The following SYN2 variants were observed in gnomAD, a reference collection of about 807,000 sequenced individuals.
SYN2 encodes the protein synapsin II, also known as synapsin-2.
SYN2 carries 19 observed loss-of-function variants against 50.9 expected under a neutral mutation model. That is an observed-to-expected ratio of 0.37 (90% confidence interval 0.26 to 0.55). The LOEUF is 0.55. Ranked by LOEUF, SYN2 falls within the 20% of genes least tolerant of loss-of-function variation. The pLI is 0.81. For missense variants in SYN2, 587 were observed against 576.4 expected (o/e 1.02, Z -0.19); for synonymous variants, 255 against 224.9 (o/e 1.13, Z -1.20).
At chr3:12,172,239 T>C (rs1697952855) in intron 10 of SYN2, among the ~76,000 whole-genome samples, 1 of 152,182 alleles carries the variant, frequency 6.6e-6, no homozygotes, top group Non-Finnish European at 1.5e-5. Context: ...TGGAGTTGAA[T>C]TAGATGATGT....
chr3:12,176,541 C>T (rs1161449079), intron 10 of SYN2, among the ~76,000 whole-genome samples: 1 of 152,154 alleles, frequency 6.6e-6, no homozygotes, highest in African/African-American at 2.4e-5. Flanking sequence ...TGGAAGCATT[C>T]ATATACATTT....
intron 10 of SYN2, among the ~76,000 whole-genome samples, chr3:12,171,424 G>A (rs1697932988): frequency 1.3e-5 from 2 of 152,130 alleles, no homozygotes; most frequent in Non-Finnish European, 2.9e-5. Flanking sequence ...TCTAGCAGAA[G>A]AGTGACAAGT....
chr3:12,080,829 C>T (rs1304159268), intron 1 of SYN2, among the ~76,000 whole-genome samples: 2 of 152,120 alleles, frequency 1.3e-5, no homozygotes, highest in East Asian at 1.9e-4. Flanking sequence ...CCACTTGATC[C>T]AGAGCTGAGT....
intron 9 of SYN2, among the ~76,000 whole-genome samples, chr3:12,168,803 G>A (rs769414069): frequency 8.5e-5 from 13 of 152,192 alleles, no homozygotes; most frequent in Non-Finnish European, 1.8e-4. Flanking sequence ...ATGAGCATGT[G>A]CCCAAGACCA....
At chr3:12,004,985 A>G (rs909728679) in intron 1 of SYN2, 57 bp downstream of exon 1, 59 of 441,904 alleles carry the variant, frequency 1.3e-4, no homozygotes, top group Non-Finnish European at 2.2e-4. Flanking sequence ...GCCGCAGGCC[A>G]GGAGAGGACG....
At chr3:12,047,723 T>C (rs1694769963) in intron 1 of SYN2, among the ~76,000 whole-genome samples, 2 of 152,170 alleles carry the variant, frequency 1.3e-5, no homozygotes, top group African/African-American at 4.8e-5. Flanking sequence ...TCTCAAACTT[T>C]AGTATATATT....
chr3:12,065,156 A>G (rs1315810801), intron 1 of SYN2, among the ~76,000 whole-genome samples: 1 of 152,196 alleles, frequency 6.6e-6, no homozygotes, highest in Non-Finnish European at 1.5e-5. Flanking sequence ...ATAAGGTACC[A>G]TCTCACACTA....
intron 1 of SYN2, among the ~76,000 whole-genome samples, chr3:12,088,671 A>C: frequency 6.6e-6 from 1 of 152,312 alleles, no homozygotes; most frequent in East Asian, 1.9e-4. Context: ...ATAAACAAAA[A>C]TGTAGTATAT....
At chr3:12,076,044 C>T (rs949513776) in intron 1 of SYN2, among the ~76,000 whole-genome samples, 1 of 151,974 alleles carries the variant, frequency 6.6e-6, no homozygotes, top group South Asian at 2.1e-4. Flanking sequence ...TATTGAGGTG[C>T]CTTTACAGAG....
intron 1 of SYN2, among the ~76,000 whole-genome samples, chr3:12,005,575 ATTTTT>A (rs34618576): frequency 2.9e-5 from 4 of 136,378 alleles, no homozygotes; most frequent in Non-Finnish European, 4.7e-5. Flanking sequence ...GACGTGTGGA[ATTTTT>A]TTTTTTTTTT....
rs116359304 is a variant in SYN2, at chr3:12,087,805, A to G, written c.378-52846A>G. Among the ~76,000 whole-genome samples the G allele has an allele frequency of 5.3e-3, 810 of 152,254 alleles. 11 individuals are homozygous for G. The highest frequency in any genetic ancestry group is 0.018 in the African/African-American group (767 of 41,544). On this transcript the variant is annotated intron_variant, in intron 1 of 12. Transcript: ENST00000621198. The stretch of plus-strand genomic sequence containing the variant: ...GTTTATGATCAATTGATTTTCAACA[A>G]AGGTGCTAAGAACAGACAATGGGGA...
chr3:12,104,152 A>C (rs1696130875), intron 1 of SYN2, among the ~76,000 whole-genome samples: 1 of 152,170 alleles, frequency 6.6e-6, no homozygotes, highest in African/African-American at 2.4e-5. Flanking sequence ...TATGTTTTAG[A>C]GACAGAGTCT....
chr3:12,108,165 A>C (rs933743883), intron 1 of SYN2, among the ~76,000 whole-genome samples: 3 of 152,178 alleles, frequency 2.0e-5, no homozygotes, highest in African/African-American at 7.2e-5. Flanking sequence ...AGCCATGATC[A>C]CACCACTGCA....
chr3:12,183,876 C>T, intron 11 of SYN2: 1 of 1,020,324 alleles, frequency 9.8e-7, no homozygotes, highest in Non-Finnish European at 1.2e-6. Context: ...AATCCCCCAC[C>T]TCCAACTTTC....
chr3:12,011,169 A>T (rs557254697), intron 1 of SYN2, among the ~76,000 whole-genome samples: 153 of 152,350 alleles, frequency 1.0e-3, no homozygotes, highest in African/African-American at 3.3e-3. Flanking sequence ...GAGTTTTTGT[A>T]AATTGAATAA....
At chr3:12,036,325 C>T (rs1330816159) in intron 1 of SYN2, among the ~76,000 whole-genome samples, 1 of 152,114 alleles carries the variant, frequency 6.6e-6, no homozygotes, top group Non-Finnish European at 1.5e-5. Context: ...TCTGCGTTGG[C>T]CCCCAGGACA....
At chr3:12,014,397 T>C (rs1292790570) in intron 1 of SYN2, among the ~76,000 whole-genome samples, 1 of 152,236 alleles carries the variant, frequency 6.6e-6, no homozygotes, top group Non-Finnish European at 1.5e-5. Context: ...ATATAAGCTT[T>C]AGAATGCTTT....
chr3:12,157,145 G>C (rs1338402003), intron 5 of SYN2, among the ~76,000 whole-genome samples: 4 of 152,122 alleles, frequency 2.6e-5, no homozygotes, highest in Non-Finnish European at 5.9e-5. Flanking sequence ...ATTCCAGTAG[G>C]TACCTGTAGT....
chr3:12,006,265 T>C (rs4684095), intron 1 of SYN2, among the ~76,000 whole-genome samples: 93,793 of 152,052 alleles, frequency 0.62, 31,103 homozygotes, highest in South Asian at 0.77. Context: ...GGGTGACTTA[T>C]GTGGTTGGCC....
Sources: gnomAD v4.1 joint callset for allele counts (sites outside exome capture counted in the v4.1 genomes callset) on GRCh38, gnomAD v4.1.1 for gene constraint, MANE v1.5 for transcripts, NCBI Gene and HGNC (gene_info 2026-07-23, HGNC 2026-07-21) for gene names.